Variants in GPC6 observed in about 807,000 individuals in gnomAD.
The protein encoded by GPC6 is glypican-6.
A neutral mutation model predicts 55.2 loss-of-function variants in GPC6; 14 were observed. The observed-to-expected ratio is 0.25, with a 90% CI of 0.17 to 0.40. GPC6 has a LOEUF of 0.40. GPC6 is among the 10% of genes least tolerant of loss of function. The pLI, the probability that GPC6 is intolerant of heterozygous loss-of-function variation, is 1.00. For synonymous variants in GPC6, 278 were observed against 259.6 expected, an observed-to-expected ratio of 1.07 and a Z score of -0.68; for missense variants, 641 against 708.5, an observed-to-expected ratio of 0.90 and a Z score of 1.08.
chr13:94,084,321 G>T (rs373380967), intron 4 of GPC6, among the ~76,000 whole-genome samples: 5 of 152,066 alleles, frequency 3.3e-5, no homozygotes, highest in African/African-American at 9.7e-5. Context: ...TTCTCTATGT[G>T]CTTCTCCCTT....
intron 3 of GPC6, among the ~76,000 whole-genome samples, chr13:93,977,789 A>G (rs748721443): frequency 2.6e-5 from 4 of 152,098 alleles, no homozygotes; most frequent in African/African-American, 7.2e-5. Flanking sequence ...TGACTTGTAG[A>G]CAATTCCCTG....
intron 5 of GPC6, among the ~76,000 whole-genome samples, chr13:94,291,847 A>C (rs1874996505): frequency 6.6e-6 from 1 of 152,194 alleles, no homozygotes; most frequent in Non-Finnish European, 1.5e-5. Context: ...GTGAGGCCAG[A>C]AGCTAACTCC....
In GPC6 at chr13:93,549,799, G is replaced by GTCCA. The variant is rs367709798; in HGVS notation, c.319+4379_319+4382dup. 1.5e-3 allele frequency among the ~76,000 whole-genome samples: 232 copies of GTCCA among 152,106 alleles called. 1 individual carries two copies. The highest frequency in any genetic ancestry group is 5.4e-3 in the African/African-American group (225 of 41,508). On this transcript the variant is annotated intron_variant, in intron 2 of 8. Coordinates refer to ENST00000377047, the MANE Select transcript of GPC6 (RefSeq NM_005708.5). The stretch of plus-strand genomic sequence containing the variant: ...AAAAAAAATTACCCACCTAAATATA[G>GTCCA]TCCAGCCCTCAAGGAATCTGGAGAT...
chr13:93,466,231 T>G (rs1192195625), intron 1 of GPC6, among the ~76,000 whole-genome samples: 1 of 151,964 alleles, frequency 6.6e-6, no homozygotes, highest in Non-Finnish European at 1.5e-5. Flanking sequence ...AAACAGTATC[T>G]GTGAAGAACA....
intron 4 of GPC6, among the ~76,000 whole-genome samples, chr13:94,236,510 A>T (rs1890880932): frequency 6.6e-6 from 1 of 152,184 alleles, no homozygotes; most frequent in Non-Finnish European, 1.5e-5. Flanking sequence ...TAGAGACATC[A>T]AGACAATTGC....
intron 3 of GPC6, among the ~76,000 whole-genome samples, chr13:93,861,159 C>G (rs886522423): frequency 1.3e-5 from 2 of 150,930 alleles, no homozygotes; most frequent in African/African-American, 4.9e-5. Flanking sequence ...AGCTGTTATT[C>G]ATAATAATAT....
At chr13:94,065,821 G>A (rs1156443591) in intron 4 of GPC6, among the ~76,000 whole-genome samples, 2 of 152,100 alleles carry the variant, frequency 1.3e-5, no homozygotes, top group African/African-American at 2.4e-5. Context: ...TATTCATTCA[G>A]TATCTACTGA....
rs191595810 is a variant in GPC6, at chr13:94,321,491, C to T, written c.1152+15368C>T. On this transcript the variant is annotated intron_variant, in intron 6 of 8. Coordinates refer to ENST00000377047, the MANE Select transcript of GPC6 (RefSeq NM_005708.5). ...CTTTGAATTCTTTGAGAAATTGCCA[C>T]GCTGCTTTTCATAATGGCTAAACTA... 1.1e-4 allele frequency among the ~76,000 whole-genome samples: 16 copies of T among 152,242 alleles called. No homozygotes were observed. In the East Asian group the frequency reaches 1.7e-3, roughly 17 times the overall value.
At chr13:94,242,187 C>A (rs1482895619) in intron 4 of GPC6, among the ~76,000 whole-genome samples, 2 of 151,768 alleles carry the variant, frequency 1.3e-5, no homozygotes, top group Non-Finnish European at 1.5e-5. Context: ...TTTGTCCTTG[C>A]GATAGTTTAC....
At chr13:93,716,764 G>A (rs145648248) in intron 2 of GPC6, among the ~76,000 whole-genome samples, 66 of 151,656 alleles carry the variant, frequency 4.4e-4, no homozygotes, top group African/African-American at 1.6e-3. Context: ...GTACAGTAAT[G>A]TCCTAGGCCT....
At chr13:94,140,252 G>T (rs1003892723) in intron 4 of GPC6, among the ~76,000 whole-genome samples, 1 of 152,148 alleles carries the variant, frequency 6.6e-6, no homozygotes, top group Non-Finnish European at 1.5e-5. Context: ...GGGACTGGAA[G>T]TTCCTCTGTG....
At chr13:94,149,377 C>G (rs1329947909) in intron 4 of GPC6, among the ~76,000 whole-genome samples, 6 of 152,136 alleles carry the variant, frequency 3.9e-5, no homozygotes. Flanking sequence ...CCAGAAAAGT[C>G]TTACTAATGT....
At chr13:93,973,424 A>G (rs1359746367) in intron 3 of GPC6, among the ~76,000 whole-genome samples, 10 of 152,194 alleles carry the variant, frequency 6.6e-5, no homozygotes, top group Admixed American at 5.9e-4. Flanking sequence ...CAATTTGATT[A>G]AACTGCTTCC....
rs58272800 is a variant in GPC6 at position 93,543,571 on chromosome 13, A to G, written c.161-1692A>G. ...GTTAGGGAGGATTCCCTCTTTTTCTATTGATTGGAATAGTTTCAGAAGGAA... is the reference window on the plus strand; with the variant it reads ...GTTAGGGAGGATTCCCTCTTTTTCTGTTGATTGGAATAGTTTCAGAAGGAA... On this transcript the variant is annotated intron_variant, in intron 1 of 8. Transcript: ENST00000377047. Among the ~76,000 whole-genome samples, 1,026 of 152,026 alleles carry G rather than the reference A, an allele frequency of 6.7e-3. 18 individuals are homozygous for G. The highest frequency in any genetic ancestry group is 0.023 in the African/African-American group (938 of 41,484).
At chr13:93,223,910 T>C (rs1353691912), upstream of GPC6, among the ~76,000 whole-genome samples, 2 of 144,168 alleles carry the variant, frequency 1.4e-5, no homozygotes, top group Non-Finnish European at 3.0e-5. Context: ...TTTTTTTTTT[T>C]TTTTTTTGAG....
At chr13:93,385,300 T>C (rs1397651647) in intron 1 of GPC6, among the ~76,000 whole-genome samples, 7 of 152,220 alleles carry the variant, frequency 4.6e-5, no homozygotes, top group East Asian at 1.9e-4. Context: ...GGAGATGCCA[T>C]AGGCGAGGTT....
At chr13:93,453,737 C>T (rs1239223817) in intron 1 of GPC6, among the ~76,000 whole-genome samples, 3 of 151,612 alleles carry the variant, frequency 2.0e-5, no homozygotes, top group African/African-American at 7.3e-5. Flanking sequence ...TCCCGGTGGG[C>T]TCGTGGTCTG....
At chr13:93,408,831 G>T (rs1388425225) in intron 1 of GPC6, among the ~76,000 whole-genome samples, 1 of 151,994 alleles carries the variant, frequency 6.6e-6, no homozygotes, top group East Asian at 1.9e-4. Context: ...GCAGGGATGG[G>T]GCCATATAAT....
At chr13:94,315,339 G>C (rs147752120) in intron 6 of GPC6, among the ~76,000 whole-genome samples, 1 of 152,316 alleles carries the variant, frequency 6.6e-6, no homozygotes, top group African/African-American at 2.4e-5. Context: ...TTTATTTCTT[G>C]TATGTGCCAA....
Sources: gnomAD v4.1 joint callset for allele counts (sites outside exome capture counted in the v4.1 genomes callset) on GRCh38, gnomAD v4.1.1 for gene constraint, MANE v1.5 for transcripts, NCBI Gene and HGNC (gene_info 2026-07-23, HGNC 2026-07-21) for gene names.